RASEF: variants seen among roughly 807,000 people sequenced by gnomAD.
RASEF encodes the protein RAS and EF-hand domain containing, also known as ras and EF-hand domain-containing protein.
Under a neutral mutation model 90.1 loss-of-function variants are expected in RASEF, and 68 were observed. The ratio of observed to expected loss-of-function variants is 0.75; its 90% CI spans 0.62 to 0.92. RASEF has a LOEUF of 0.92. Among genes scored for constraint, RASEF ranks in the 40% least tolerant of loss-of-function variants. The probability of loss-of-function intolerance (pLI) is 0.00; values close to 1 mark genes in which losing one functional copy is unlikely to be tolerated. For synonymous variants in RASEF, 331 were observed against 345.2 expected (o/e 0.96, Z 0.46); for missense variants, 949 against 937.2 (o/e 1.01, Z -0.16).
At chr9:82,985,023 G>A (rs189537372) in intron 16 of RASEF, among the ~76,000 whole-genome samples, 117 of 152,300 alleles carry the variant, frequency 7.7e-4, no homozygotes, top group Middle Eastern at 3.4e-3. Flanking sequence ...TCCAGATGCA[G>A]GGAACAGCAT....
the RASEF span, among the ~76,000 whole-genome samples, chr9:83,172,963 C>G: frequency 0.014 from 2,113 of 151,986 alleles, 39 homozygotes; most frequent in African/African-American, 0.048. Context: ...TTTTGTTTGT[C>G]TGGGAAAGTC....
At chr9:83,149,202 T>C in the RASEF span, among the ~76,000 whole-genome samples, 1 of 152,220 alleles carries the variant, frequency 6.6e-6, no homozygotes. Context: ...GGCACACCAG[T>C]GGGACAGACA....
intron 2 of RASEF, among the ~76,000 whole-genome samples, chr9:83,025,119 T>C (rs1366262236): frequency 6.6e-6 from 1 of 152,214 alleles, no homozygotes; most frequent in African/African-American, 2.4e-5. Context: ...ATGACATAGC[T>C]GTTAACACCA....
chr9:83,121,215 A>G, the RASEF span, among the ~76,000 whole-genome samples: 1 of 152,194 alleles, frequency 6.6e-6, no homozygotes, highest in Admixed American at 6.6e-5. Context: ...AAGGCAATAT[A>G]TCAACATATG....
chr9:83,157,903 C>A, the RASEF span, among the ~76,000 whole-genome samples: 17 of 152,292 alleles, frequency 1.1e-4, no homozygotes, highest in East Asian at 3.3e-3. Flanking sequence ...AGATGCAAAT[C>A]TGCTGAAGAA....
At chr9:83,148,714 C>T in the RASEF span, among the ~76,000 whole-genome samples, 1 of 152,166 alleles carries the variant, frequency 6.6e-6, no homozygotes, top group East Asian at 1.9e-4. Context: ...CAAAGGATAT[C>T]TTTTTATATC....
the RASEF span, among the ~76,000 whole-genome samples, chr9:83,165,542 T>TA: frequency 6.6e-6 from 1 of 152,134 alleles, no homozygotes; most frequent in African/African-American, 2.4e-5. Flanking sequence ...AGGCTTATAT[T>TA]AGAAATGAAG....
At chr9:83,031,244 C>G (rs1036014005) in intron 1 of RASEF, among the ~76,000 whole-genome samples, 1 of 152,170 alleles carries the variant, frequency 6.6e-6, no homozygotes, top group African/African-American at 2.4e-5. Context: ...ACTTCCTTAC[C>G]TCCTTACTTG....
chr9:83,214,175 C>A, the RASEF span, among the ~76,000 whole-genome samples: 1 of 152,286 alleles, frequency 6.6e-6, no homozygotes, highest in East Asian at 1.9e-4. Flanking sequence ...GGGCTGATCA[C>A]CTGAGTTCAA....
chr9:83,134,682 T>C, the RASEF span, among the ~76,000 whole-genome samples: 1 of 152,118 alleles, frequency 6.6e-6, no homozygotes, highest in Non-Finnish European at 1.5e-5. Context: ...CCAGCTGCTT[T>C]AGAAAACAGT....
At chr9:83,162,673 G>A in the RASEF span, among the ~76,000 whole-genome samples, 3 of 152,196 alleles carry the variant, frequency 2.0e-5, no homozygotes, top group African/African-American at 7.2e-5. Context: ...TGAGGACACA[G>A]GGAACACTGC....
intron 9 of RASEF, among the ~76,000 whole-genome samples, chr9:83,003,493 T>C (rs1829076084): frequency 6.6e-6 from 1 of 152,220 alleles, no homozygotes; most frequent in South Asian, 2.1e-4. Context: ...GTTTTAAATA[T>C]TAGTCAAAAA....
the RASEF span, chr9:83,201,300 G>A: frequency 6.6e-6 from 1 of 152,220 alleles, no homozygotes; most frequent in African/African-American, 2.4e-5. Flanking sequence ...GCTGGAGAAT[G>A]ACAAGCAAAA....
upstream of RASEF, among the ~76,000 whole-genome samples, chr9:83,064,185 A>G (rs541912560): frequency 6.6e-6 from 1 of 152,346 alleles, no homozygotes; most frequent in African/African-American, 2.4e-5. Context: ...GCTAAGTGCT[A>G]AACATCTGGG....
the RASEF span, among the ~76,000 whole-genome samples, chr9:83,152,718 G>A: frequency 6.7e-5 from 9 of 134,056 alleles, no homozygotes; most frequent in African/African-American, 2.5e-4. Flanking sequence ...ATATGCGCAT[G>A]TGCGCACAGA....
chr9:83,007,043 G>A (rs1484612561), intron 7 of RASEF, among the ~76,000 whole-genome samples: 2 of 147,184 alleles, frequency 1.4e-5, no homozygotes, highest in East Asian at 4.1e-4. Context: ...GCAGTGAGCC[G>A]AGATTGCACC....
the RASEF span, among the ~76,000 whole-genome samples, chr9:83,087,714 A>G: frequency 6.6e-6 from 1 of 151,790 alleles, no homozygotes; most frequent in Non-Finnish European, 1.5e-5. Context: ...TTTTCAAATA[A>G]CCAACTTTTG....
chr9:83,144,948 T>A, the RASEF span, among the ~76,000 whole-genome samples: 5 of 152,184 alleles, frequency 3.3e-5, no homozygotes. Flanking sequence ...TTGTATAGAT[T>A]TTTACACAAA....
chr9:83,094,473 A>G, the RASEF span, among the ~76,000 whole-genome samples: 1 of 152,020 alleles, frequency 6.6e-6, no homozygotes, highest in African/African-American at 2.4e-5. Context: ...ATGTGGATTG[A>G]TTTATATTTC....
Sources: allele counts gnomAD v4.1 joint callset (sites outside exome capture counted in the v4.1 genomes callset), GRCh38; gene constraint gnomAD v4.1.1; transcripts MANE v1.5; gene names NCBI Gene and HGNC (gene_info 2026-07-23, HGNC 2026-07-21).